Variants in SLC35F1 observed in about 807,000 individuals in gnomAD.
The protein encoded by SLC35F1 is solute carrier family 35 member F1, also known as chromosome 6 open reading frame 169.
In SLC35F1, 14 loss-of-function variants were observed where a neutral mutation model predicts 48.7. The ratio of observed to expected loss-of-function variants is 0.29; its 90% CI spans 0.19 to 0.45. The LOEUF (loss-of-function observed/expected upper bound fraction) is 0.45, where lower values mean the gene tolerates loss of function less well. Among genes scored for constraint, SLC35F1 ranks in the 20% least tolerant of loss-of-function variants. SLC35F1 has a pLI of 1.00. For synonymous variants in SLC35F1, 190 were observed against 202.2 expected, an observed-to-expected ratio of 0.94 and a Z score of 0.51; for missense variants, 404 against 500.0, an observed-to-expected ratio of 0.81 and a Z score of 1.83.
chr6:118,235,733 C>T lies in SLC35F1; in HGVS notation c.477+97C>T, dbSNP rs1280776046. The T allele has an allele frequency of 6.1e-6, 8 of 1,310,546 alleles. No homozygotes were observed. In the East Asian group the frequency reaches 1.7e-4, roughly 27 times the overall value. 81.2% of individuals were successfully genotyped at this position (1,310,546 alleles called of 1,614,324 possible). A position where few individuals can be genotyped will look rare whatever the true frequency, so the allele number is the denominator to read the frequency against. On this transcript the variant is annotated intron_variant, in intron 3 of 7. Transcript: ENST00000360388. The stretch of plus-strand genomic sequence containing the variant: ...AAATCTCTATACTACAAGTTACTAT[C>T]TGTATACTATACTATAGTATACAGA...
At chr6:117,936,830 C>T (rs1776168531) in intron 1 of SLC35F1, among the ~76,000 whole-genome samples, 1 of 152,062 alleles carries the variant, frequency 6.6e-6, no homozygotes, top group Admixed American at 6.6e-5. Flanking sequence ...TGCATGGAAT[C>T]CTTTATTGAT....
At chr6:118,235,079 C>T (rs1361686335) in intron 2 of SLC35F1, among the ~76,000 whole-genome samples, 1 of 151,784 alleles carries the variant, frequency 6.6e-6, no homozygotes, top group East Asian at 1.9e-4. Flanking sequence ...TACAGATCTG[C>T]TGCCAAGCAC....
intron 1 of SLC35F1, among the ~76,000 whole-genome samples, chr6:117,988,497 A>T (rs921897758): frequency 6.6e-6 from 1 of 152,238 alleles, no homozygotes; most frequent in Non-Finnish European, 1.5e-5. Context: ...ATTTGTGTTT[A>T]TGCAGAGTTG....
At chr6:117,960,524 C>G (rs115633558) in intron 1 of SLC35F1, among the ~76,000 whole-genome samples, 1,547 of 152,056 alleles carry the variant, frequency 0.01, 27 homozygotes, top group African/African-American at 0.035. Context: ...AATAAAACAT[C>G]TTACTATGTC....
rs115113531 is a variant in SLC35F1, at chr6:118,248,597, G to A, written c.477+12961G>A. Among the ~76,000 whole-genome samples, 435 of 152,240 alleles carry A rather than the reference G, an allele frequency of 2.9e-3. 1 individual carries two copies. The highest frequency in any genetic ancestry group is 0.01 in the African/African-American group (422 of 41,530). On this transcript the variant is annotated intron_variant, in intron 3 of 7. Transcript: ENST00000360388. The stretch of plus-strand genomic sequence containing the variant: ...AGGGGCTACAAGCCATGGAATGCAG[G>A]CAGCCCCTAGAAGCTGAAAAAGGCA...
intron 1 of SLC35F1, among the ~76,000 whole-genome samples, chr6:118,004,983 A>G (rs1189302654): frequency 6.6e-6 from 1 of 152,096 alleles, no homozygotes; most frequent in Non-Finnish European, 1.5e-5. Flanking sequence ...TGCCTACAAC[A>G]TGGTGGATGT....
chr6:118,191,986 T>G (rs1774739129), intron 2 of SLC35F1, among the ~76,000 whole-genome samples: 1 of 152,202 alleles, frequency 6.6e-6, no homozygotes, highest in South Asian at 2.1e-4. Context: ...TTTTATCTTT[T>G]CCATTATGAG....
At chr6:117,992,622 C>G (rs946229073) in intron 1 of SLC35F1, among the ~76,000 whole-genome samples, 4 of 152,152 alleles carry the variant, frequency 2.6e-5, no homozygotes, top group Non-Finnish European at 5.9e-5. Flanking sequence ...AAATTGCTGA[C>G]TTTTGTAGAC....
intron 2 of SLC35F1, among the ~76,000 whole-genome samples, chr6:118,198,079 G>GTAC (rs1275832500): frequency 6.6e-6 from 1 of 152,112 alleles, no homozygotes; most frequent in Non-Finnish European, 1.5e-5. Context: ...TGGACTCTCA[G>GTAC]TACTATGATA....
chr6:118,014,832 T>C (rs1777297519), intron 1 of SLC35F1, among the ~76,000 whole-genome samples: 1 of 152,218 alleles, frequency 6.6e-6, no homozygotes, highest in Non-Finnish European at 1.5e-5. Flanking sequence ...CCTCAGTGCA[T>C]TAGGCAATAG....
At chr6:118,278,056 A>T (rs1455227206) in intron 6 of SLC35F1, among the ~76,000 whole-genome samples, 1 of 152,226 alleles carries the variant, frequency 6.6e-6, no homozygotes, top group Non-Finnish European at 1.5e-5. Context: ...CTCCAAATGG[A>T]TTTAGAAAAT....
chr6:118,235,334 G>A (rs529674926), intron 2 of SLC35F1, among the ~76,000 whole-genome samples, 175 bp from the exon 3 acceptor site: 1 of 152,130 alleles, frequency 6.6e-6, no homozygotes, highest in Admixed American at 6.5e-5. Flanking sequence ...CTGCAATAAA[G>A]TTAATTTGCT....
At chr6:118,250,482 C>T (rs2114602604) in intron 3 of SLC35F1, among the ~76,000 whole-genome samples, 1 of 152,226 alleles carries the variant, frequency 6.6e-6, no homozygotes, top group Admixed American at 6.5e-5. Context: ...AATTCCTGCG[C>T]TTAAGGAAAG....
chr6:117,923,627 A>ATG, intron 1 of SLC35F1, among the ~76,000 whole-genome samples: 1 of 79,334 alleles, frequency 1.3e-5, no homozygotes, highest in East Asian at 4.2e-4. Flanking sequence ...ATGTATATAT[A>ATG]CATATATGTA....
chr6:118,017,446 C>T (rs1777337339), intron 1 of SLC35F1, among the ~76,000 whole-genome samples: 1 of 152,152 alleles, frequency 6.6e-6, no homozygotes, highest in East Asian at 1.9e-4. Flanking sequence ...TAATGAAATC[C>T]CCTAGAATTT....
At chr6:118,067,637 A>G (rs2114287798) in intron 1 of SLC35F1, among the ~76,000 whole-genome samples, 1 of 152,354 alleles carries the variant, frequency 6.6e-6, no homozygotes, top group East Asian at 1.9e-4. Flanking sequence ...CAGATGGAAT[A>G]AAGGCTAAAG....
chr6:118,155,043 TA>T (rs1176927205), intron 2 of SLC35F1, among the ~76,000 whole-genome samples: 1 of 151,734 alleles, frequency 6.6e-6, no homozygotes, highest in East Asian at 1.9e-4. Flanking sequence ...ATACAAATTG[TA>T]AACACAGACA....
chr6:118,187,501 A>G (rs962041316), intron 2 of SLC35F1, among the ~76,000 whole-genome samples: 1 of 152,210 alleles, frequency 6.6e-6, no homozygotes, highest in Non-Finnish European at 1.5e-5. Flanking sequence ...GACTTCTTCA[A>G]TGATAATGGA....
chr6:117,972,031 A>G (rs1325315137), intron 1 of SLC35F1, among the ~76,000 whole-genome samples: 2 of 152,134 alleles, frequency 1.3e-5, no homozygotes, highest in Non-Finnish European at 1.5e-5. Context: ...CTTTTATATC[A>G]TCATCAGGGT....
Sources: allele counts gnomAD v4.1 joint callset (sites outside exome capture counted in the v4.1 genomes callset), GRCh38; gene constraint gnomAD v4.1.1; transcripts MANE v1.5; gene names NCBI Gene and HGNC (gene_info 2026-07-23, HGNC 2026-07-21).